ANKRD55: variants seen among roughly 807,000 people sequenced by gnomAD.
ANKRD55 encodes the protein ankyrin repeat domain 55.
Under a neutral mutation model 60.6 loss-of-function variants are expected in ANKRD55, and 41 were observed. The observed-to-expected ratio is 0.68, with a 90% confidence interval of 0.53 to 0.88. The LOEUF is 0.88. Among genes scored for constraint, ANKRD55 ranks in the 40% least tolerant of loss-of-function variants. The pLI, the probability that ANKRD55 is intolerant of heterozygous loss-of-function variation, is 0.00. For synonymous variants in ANKRD55, 264 were observed against 290.3 expected (o/e 0.91, Z 0.92); for missense variants, 732 against 767.6 (o/e 0.95, Z 0.55).
At chr5:56,136,052 T>A (rs190948450) in intron 7 of ANKRD55, among the ~76,000 whole-genome samples, 1 of 151,990 alleles carries the variant, frequency 6.6e-6, no homozygotes, top group East Asian at 1.9e-4. Context: ...ATGAAAAACA[T>A]CAAAGAACTA....
At chr5:56,175,187 T>C (rs916442522) in intron 4 of ANKRD55, among the ~76,000 whole-genome samples, 6 of 152,308 alleles carry the variant, frequency 3.9e-5, no homozygotes, top group African/African-American at 1.4e-4. Context: ...CAATGCTTCA[T>C]TGCAATCTAT....
At chr5:56,137,565 AAG>A in intron 7 of ANKRD55, 2 of 672,400 alleles carry the variant, frequency 3.0e-6, no homozygotes, top group South Asian at 1.5e-5. Context: ...TTAAAAGTAA[AAG>A]AAAAAAAAAA....
intron 2 of ANKRD55, among the ~76,000 whole-genome samples, chr5:56,196,525 G>A (rs1759233158): frequency 6.6e-6 from 1 of 152,170 alleles, no homozygotes; most frequent in South Asian, 2.1e-4. Context: ...ACTGAGGCCT[G>A]GAGAATTAAA....
At chr5:56,131,071 A>G (rs1305352371) in intron 7 of ANKRD55, among the ~76,000 whole-genome samples, 1 of 152,254 alleles carries the variant, frequency 6.6e-6, no homozygotes, top group Non-Finnish European at 1.5e-5. Context: ...AATATTTGAA[A>G]CAATAATAAC....
chr5:56,102,209 A>C (rs1467019584), intron 11 of ANKRD55, among the ~76,000 whole-genome samples: 1 of 151,900 alleles, frequency 6.6e-6, no homozygotes, highest in Non-Finnish European at 1.5e-5. Context: ...CAACATGGCA[A>C]AACCCCATCT....
chr5:56,135,276 CTCCCTGCCTGCCTGCT>C (rs1370884632), intron 7 of ANKRD55, among the ~76,000 whole-genome samples: 17 of 93,360 alleles, frequency 1.8e-4, no homozygotes, highest in African/African-American at 9.3e-4. Flanking sequence ...CCCTCCCTCC[CTCCCTGCCTGCCTGCT>C]TGCTTTCTTT....
At chr5:56,232,167 A>C (rs1760273035) in intron 2 of ANKRD55, among the ~76,000 whole-genome samples, 1 of 152,290 alleles carries the variant, frequency 6.6e-6, no homozygotes, top group African/African-American at 2.4e-5. Flanking sequence ...TGCATATGCA[A>C]AATGTATACA....
intron 5 of ANKRD55, among the ~76,000 whole-genome samples, chr5:56,163,554 C>T (rs1325026044): frequency 2.0e-5 from 3 of 152,152 alleles, no homozygotes; most frequent in Admixed American, 6.5e-5. Context: ...GGCTTGGACC[C>T]CAGCAAGAGC....
chr5:56,148,797 C>T lies in ANKRD55; in HGVS notation c.484-4868G>A, dbSNP rs970588589. ...CACACAGAGAGAAATGTTGATGTGG[C>T]TGGGTGCTTGGTTTGTTCCCCGTCT... On this transcript the variant is annotated intron_variant, in intron 6 of 11. Transcript: ENST00000341048. 6.0e-5 allele frequency among the ~76,000 whole-genome samples: 9 copies of T among 151,258 alleles called. No individual in the cohort carries two copies. The Middle Eastern group carries it at 0.01, about 173-fold the overall frequency.
intron 10 of ANKRD55, 66 bp from the exon 11 acceptor site, chr5:56,102,652 G>T: frequency 9.1e-7 from 1 of 1,093,036 alleles, no homozygotes; most frequent in Non-Finnish European, 1.4e-6. Flanking sequence ...AGAATGCAAT[G>T]GATAAGAGAA....
intron 2 of ANKRD55, among the ~76,000 whole-genome samples, chr5:56,218,833 G>A (rs116443334): frequency 0.016 from 2,358 of 152,068 alleles, 24 homozygotes; most frequent in Middle Eastern, 0.034. Context: ...GGGAGGGAAG[G>A]AGTGAGGGAG....
chr5:56,154,200 C>A (rs1439149781), intron 6 of ANKRD55, among the ~76,000 whole-genome samples: 128 of 64,300 alleles, frequency 2.0e-3, no homozygotes, highest in East Asian at 5.1e-3. Flanking sequence ...GACTCTGTCT[C>A]AAAAAAAAAA....
intron 2 of ANKRD55, among the ~76,000 whole-genome samples, chr5:56,225,919 T>C (rs1462284439): frequency 6.6e-6 from 1 of 152,190 alleles, no homozygotes; most frequent in Non-Finnish European, 1.5e-5. Flanking sequence ...AGGTAATTTA[T>C]AGATTCAATG....
In ANKRD55 at chr5:56,116,748, C is replaced by T; in HGVS notation, c.832G>A (p.Ala278Thr). Reference protein sequence around the residue: ...PLHWAAAAGKAECVQSLLELG... With the variant: ...PLHWAAAAGKTECVQSLLELG... ...TCCAGCAGTGACTGGACACATTCGG[C>T]CTTCCCTGCAGCTGCAGCCCAGTGC... Residue 278 changes from alanine (A) to threonine (T), a missense_variant, in exon 9 of 12, where the codon GCC becomes ACC. By Grantham distance (58) the Ala-to-Thr change is moderately conservative. Coordinates refer to ENST00000341048, the MANE Select transcript of ANKRD55 (RefSeq NM_024669.3). The T allele has an allele frequency of 6.2e-7, 1 of 1,613,288 alleles. No individual in the cohort carries two copies. The highest frequency in any genetic ancestry group is 8.5e-7 in the Non-Finnish European group (1 of 1,179,650).
At chr5:56,109,977 C>T (rs1357445419) in intron 10 of ANKRD55, among the ~76,000 whole-genome samples, 1 of 151,816 alleles carries the variant, frequency 6.6e-6, no homozygotes, top group Non-Finnish European at 1.5e-5. Flanking sequence ...GAGATCGTGT[C>T]ACTGTGGAGG....
intron 8 of ANKRD55, among the ~76,000 whole-genome samples, chr5:56,123,628 G>A (rs1757145462): frequency 6.6e-6 from 1 of 152,072 alleles, no homozygotes; most frequent in Non-Finnish European, 1.5e-5. Flanking sequence ...GCTGGATGTT[G>A]ATCTAGTCAG....
At chr5:56,157,825 C>T (rs573650079) in intron 6 of ANKRD55, among the ~76,000 whole-genome samples, 7 of 152,262 alleles carry the variant, frequency 4.6e-5, no homozygotes, top group Admixed American at 3.9e-4. Context: ...AGCCGGCGCG[C>T]GTCCTCCTTA....
rs534294342 is a variant in ANKRD55 at position 56,149,421 on chromosome 5, C to T, written c.484-5492G>A. ...GGGAGTTTTCATAATTTAAATCAGACAAGAAAAACAATAAAACGAACTTAG... is the reference window on the plus strand; with the variant it reads ...GGGAGTTTTCATAATTTAAATCAGATAAGAAAAACAATAAAACGAACTTAG... On this transcript the variant is annotated intron_variant, in intron 6 of 11. Coordinates refer to ENST00000341048, the MANE Select transcript of ANKRD55 (RefSeq NM_024669.3). 9.9e-5 allele frequency among the ~76,000 whole-genome samples: 15 copies of T among 152,176 alleles called. 1 individual carries two copies. In the South Asian group the frequency reaches 3.1e-3, roughly 31 times the overall value.
intron 9 of ANKRD55, among the ~76,000 whole-genome samples, chr5:56,114,827 A>C (rs138663491): frequency 0.013 from 1,923 of 152,312 alleles, 23 homozygotes; most frequent in South Asian, 0.025. Context: ...CTATTGAGAT[A>C]CACCTGCCTT....
Sources: gnomAD v4.1 joint callset for allele counts (sites outside exome capture counted in the v4.1 genomes callset) on GRCh38, gnomAD v4.1.1 for gene constraint, MANE v1.5 for transcripts, NCBI Gene and HGNC (gene_info 2026-07-23, HGNC 2026-07-21) for gene names.